The following OSBPL3 variants were observed in gnomAD, a reference collection of about 807,000 sequenced individuals.
OSBPL3 encodes oxysterol binding protein like 3.
OSBPL3 carries 65 observed loss-of-function variants against 120.1 expected under a neutral mutation model. The ratio of observed to expected loss-of-function variants is 0.54; its 90% CI spans 0.44 to 0.67. The LOEUF (loss-of-function observed/expected upper bound fraction) is 0.67, where lower values mean the gene tolerates loss of function less well. Among genes scored for constraint, OSBPL3 ranks in the 30% least tolerant of loss-of-function variants. The pLI, the probability that OSBPL3 is intolerant of heterozygous loss-of-function variation, is 0.00. For missense variants in OSBPL3, 1,004 were observed against 1,082.1 expected (o/e 0.93, Z 1.01); for synonymous variants, 416 against 402.6 (o/e 1.03, Z -0.40).
chr7:24,973,752 T>C (rs1301611896), intron 1 of OSBPL3, among the ~76,000 whole-genome samples: 1 of 152,182 alleles, frequency 6.6e-6, no homozygotes, highest in African/African-American at 2.4e-5. Context: ...GAAGCATCTT[T>C]GAAAAAAATC....
chr7:24,885,377 C>T (rs79006078), intron 2 of OSBPL3, among the ~76,000 whole-genome samples: 5,233 of 152,104 alleles, frequency 0.034, 252 homozygotes, highest in African/African-American at 0.1. Flanking sequence ...TTATGAGTTC[C>T]GGCCCTGAGC....
intron 1 of OSBPL3, among the ~76,000 whole-genome samples, chr7:24,903,489 T>C (rs956701385): frequency 2.0e-5 from 3 of 152,212 alleles, no homozygotes; most frequent in Non-Finnish European, 4.4e-5. Flanking sequence ...GGAAAGATAA[T>C]TTCCAAATGA....
chr7:24,971,258 T>C (rs1379900507), intron 1 of OSBPL3, among the ~76,000 whole-genome samples: 4 of 152,244 alleles, frequency 2.6e-5, no homozygotes, highest in Admixed American at 2.0e-4. Flanking sequence ...TGCGTGATCA[T>C]AGGAAAACTA....
Position 24,881,294 on chromosome 7 carries a change from T to C in OSBPL3, c.97-9225A>G, listed in dbSNP as rs1301799628. On this transcript the variant is annotated intron_variant, in intron 2 of 22. Transcript: ENST00000313367. This position sits in a 1 kb window ranked among gnomAD's most constrained non-coding sequence, Gnocchi z 4.3. The stretch of plus-strand genomic sequence containing the variant: ...GCTACACAATAACTGGTTCTCATAA[T>C]GAGAACCTAGTGACAATGTTAAGAT... 6.6e-6 allele frequency among the ~76,000 whole-genome samples: 1 copy of C among 152,210 alleles called. No individual in the cohort carries two copies. The highest frequency in any genetic ancestry group is 1.9e-4 in the East Asian group (1 of 5,198).
intron 1 of OSBPL3, among the ~76,000 whole-genome samples, chr7:24,949,765 A>T (rs1814164363): frequency 6.6e-6 from 1 of 152,174 alleles, no homozygotes; most frequent in African/African-American, 2.4e-5. Flanking sequence ...AGAGGGGTAC[A>T]GGGATGGCTG....
At position 24,817,315 on chromosome 7, in the gene OSBPL3, G is replaced by A. The variant is rs142457708; in HGVS notation, c.1949-627C>T. ...GTGGATCATTTGAGATCAGGAGTTC[G>A]AGACCAGCACAGCCAACATGGCGAA... On this transcript the variant is annotated intron_variant, in intron 17 of 22. Coordinates refer to ENST00000313367, the MANE Select transcript of OSBPL3 (RefSeq NM_015550.4). This position sits in a 1 kb window ranked among gnomAD's most constrained non-coding sequence, Gnocchi z 4.0. Among the ~76,000 whole-genome samples, 1,648 of 152,194 alleles carry A rather than the reference G, an allele frequency of 0.011. 26 individuals are homozygous for A. The highest frequency in any genetic ancestry group is 0.038 in the African/African-American group (1,568 of 41,512).
chr7:24,888,375 G>A (rs1307490547), intron 2 of OSBPL3, among the ~76,000 whole-genome samples: 1 of 152,208 alleles, frequency 6.6e-6, no homozygotes, highest in Non-Finnish European at 1.5e-5. Context: ...AAAAAACTGA[G>A]GTTTGGAGAG....
At chr7:24,942,343 G>C (rs1813200718) in intron 1 of OSBPL3, among the ~76,000 whole-genome samples, 2 of 152,170 alleles carry the variant, frequency 1.3e-5, no homozygotes, top group Non-Finnish European at 1.5e-5. Context: ...CCCCACACCT[G>C]ACCACGGCAC....
rs1366421588 is a variant in OSBPL3, at chr7:24,980,094, G to T, written c.-358C>A. ...CGGAGCCGCGCTGCGCACCGGCCGC[G>T]AAGCGCTCAAGTCCCCTCTCCCGGG... is the stretch of plus-strand genomic sequence containing the variant. On this transcript the variant is annotated 5_prime_UTR_variant, in exon 1 of 23. Coordinates refer to ENST00000313367, the MANE Select transcript of OSBPL3 (RefSeq NM_015550.4). 2 of 979,760 alleles carry T rather than the reference G, an allele frequency of 2.0e-6. No homozygotes were observed. The highest frequency in any genetic ancestry group is 2.4e-6 in the Non-Finnish European group (2 of 825,058). The allele number at this position is 979,760 out of a possible 1,614,324, so 60.7% of individuals were successfully genotyped here.
In OSBPL3 at chr7:24,894,311, A is replaced by C. The variant is rs17150477; in HGVS notation, c.-149-1690T>G. On this transcript the variant is annotated intron_variant, in intron 1 of 22. Coordinates refer to ENST00000313367, the MANE Select transcript of OSBPL3 (RefSeq NM_015550.4). The surrounding 1 kb of genome is among the most constrained non-coding windows in gnomAD (Gnocchi z 4.1). The stretch of plus-strand genomic sequence containing the variant: ...CCCCAAATCTCTTTATTCATTTAGT[A>C]TTGGATCCAATAATAAGTAAGACTA... Among the ~76,000 whole-genome samples, 5,968 of 152,238 alleles carry C rather than the reference A, an allele frequency of 0.039. 362 individuals carry two copies. Among genetic ancestry groups the C allele is most frequent in the African/African-American group, 0.13 (5,278 of 41,518 alleles).
rs969191548 is a variant in OSBPL3 at position 24,936,324 on chromosome 7, G to A, written c.-150+43562C>T. Among the ~76,000 whole-genome samples, 2 of 152,106 alleles carry A rather than the reference G, an allele frequency of 1.3e-5. No individual in the cohort carries two copies. The highest frequency in any genetic ancestry group is 1.5e-5 in the Non-Finnish European group (1 of 68,016). ...TCTCACAATCCACAAACATGAATAC[G>A]TTCTTTCAATATAACCTTTAATGAC... On this transcript the variant is annotated intron_variant, in intron 1 of 22. Transcript: ENST00000313367. This position sits in a 1 kb window ranked among gnomAD's most constrained non-coding sequence, Gnocchi z 4.2.
chr7:24,886,165 AT>A (rs1804503696), intron 2 of OSBPL3, among the ~76,000 whole-genome samples: 1 of 152,266 alleles, frequency 6.6e-6, no homozygotes, highest in African/African-American at 2.4e-5. Flanking sequence ...GATGCTTCTT[AT>A]TTACTGTTTC....
Position 24,798,603 on chromosome 7 carries a change from T to C in OSBPL3, c.*1580A>G, listed in dbSNP as rs1214655507. The C allele has an allele frequency of 2.0e-5, 3 of 152,260 alleles. No homozygotes were observed. Among genetic ancestry groups the C allele is most frequent in the East Asian group, 1.9e-4 (1 of 5,202 alleles). 9.4% of individuals were successfully genotyped at this position (152,260 alleles called of 1,614,324 possible). ...CAGTCACGTGCAGATTCCAGAAGGC[T>C]ACACATCCACTTTAAATAACTCTCC... On this transcript the variant is annotated 3_prime_UTR_variant, in exon 23 of 23. Transcript: ENST00000313367. This position sits in a 1 kb window ranked among gnomAD's most constrained non-coding sequence, Gnocchi z 4.6.
Position 24,806,725 on chromosome 7 carries a change from T to C in OSBPL3, c.2444+51A>G. ...GCCTAAGGATTGTTAATAAGACTTT[T>C]TGTAAAGGGTTTTACATCTCTGGAG... On this transcript the variant is annotated intron_variant, in intron 21 of 22. Transcript: ENST00000313367. The surrounding 1 kb of genome is among the most constrained non-coding windows in gnomAD (Gnocchi z 5.2). 1 of 1,572,056 alleles carries C rather than the reference T, an allele frequency of 6.4e-7. No homozygotes were observed. Among genetic ancestry groups the C allele is most frequent in the Non-Finnish European group, 8.7e-7 (1 of 1,155,206 alleles).
At position 24,930,835 on chromosome 7, in the gene OSBPL3, T is replaced by C. The variant is rs1283737503; in HGVS notation, c.-149-38214A>G. The stretch of plus-strand genomic sequence containing the variant: ...ATTAAATGAATTCATCAATGAGATT[T>C]TGTCACTGAAACTTGACCTATATCC... On this transcript the variant is annotated intron_variant, in intron 1 of 22. Transcript: ENST00000313367. The surrounding 1 kb of genome is among the most constrained non-coding windows in gnomAD (Gnocchi z 4.4). Among the ~76,000 whole-genome samples the C allele has an allele frequency of 6.6e-6, 1 of 152,210 alleles. No homozygotes were observed.
At position 24,808,858 on chromosome 7, in the gene OSBPL3, CCTGAG is replaced by C. The variant is rs1793402327; in HGVS notation, c.2317+944_2317+948del. Among the ~76,000 whole-genome samples, 3 of 152,112 alleles carry C rather than the reference CCTGAG, an allele frequency of 2.0e-5. No individual in the cohort carries two copies. The highest frequency in any genetic ancestry group is 7.2e-5 in the African/African-American group (3 of 41,424). The stretch of plus-strand genomic sequence containing the variant: ...TTGCTGCGGGATCTTAGGAAATGTT[CCTGAG>C]AAAAGAGAGGCACGAGAGAGGAAAG... On this transcript the variant is annotated intron_variant, in intron 20 of 22. Coordinates refer to ENST00000313367, the MANE Select transcript of OSBPL3 (RefSeq NM_015550.4). This position sits in a 1 kb window ranked among gnomAD's most constrained non-coding sequence, Gnocchi z 4.6.
At chr7:24,906,649 C>T (rs1807973272) in intron 1 of OSBPL3, 1 of 152,948 alleles carries the variant, frequency 6.5e-6, no homozygotes, top group Admixed American at 6.5e-5. Context: ...TTCACACATT[C>T]ATCTGTTGAT....
At chr7:24,878,186 C>T (rs1803106402) in intron 2 of OSBPL3, among the ~76,000 whole-genome samples, 1 of 152,210 alleles carries the variant, frequency 6.6e-6, no homozygotes, top group Non-Finnish European at 1.5e-5. Context: ...GCACTTCCCT[C>T]CAGCACAGCT....
intron 1 of OSBPL3, among the ~76,000 whole-genome samples, chr7:24,914,264 G>A (rs1405927206): frequency 1.3e-5 from 2 of 151,820 alleles, no homozygotes; most frequent in East Asian, 3.9e-4. Flanking sequence ...GCCAGCCATT[G>A]GACAGCAGAG....
Sources: gnomAD v4.1 joint callset for allele counts (sites outside exome capture counted in the v4.1 genomes callset) on GRCh38, gnomAD v4.1.1 for gene constraint, Gnocchi (gnomAD v3.1) non-coding constraint, MANE v1.5 for transcripts, NCBI Gene and HGNC (gene_info 2026-07-23, HGNC 2026-07-21) for gene names.